Variants in POPDC1 observed in about 807,000 individuals in gnomAD.
POPDC1 encodes popeye domain-containing protein 1.
At chr6:105,098,854 C>G in the POPDC1 span, 1 of 152,286 alleles carries the variant, frequency 6.6e-6, no homozygotes, top group Admixed American at 6.5e-5. Flanking sequence ...GAGACTGCTG[C>G]AGCAGTACAG....
chr6:105,117,157 G>A, the POPDC1 span, among the ~76,000 whole-genome samples: 1 of 152,164 alleles, frequency 6.6e-6, no homozygotes, highest in African/African-American at 2.4e-5. Flanking sequence ...TACCGCTGCT[G>A]GAGCATGTAT....
At chr6:105,130,320 C>T in the POPDC1 span, among the ~76,000 whole-genome samples, 1 of 152,030 alleles carries the variant, frequency 6.6e-6, no homozygotes, top group Non-Finnish European at 1.5e-5. Context: ...TTAACCATCC[C>T]CCTACTGCCG....
chr6:105,106,036 G>A, the POPDC1 span, among the ~76,000 whole-genome samples: 3 of 151,990 alleles, frequency 2.0e-5, no homozygotes, highest in African/African-American at 7.2e-5. Context: ...GAGGCAGAGT[G>A]GTTAACTCCA....
the POPDC1 span, among the ~76,000 whole-genome samples, chr6:105,102,192 T>C: frequency 6.6e-6 from 1 of 152,152 alleles, no homozygotes; most frequent in Non-Finnish European, 1.5e-5. Context: ...AGAAGGTTGA[T>C]GGTGGAGGGA....
chr6:105,132,245 C>T, the POPDC1 span, among the ~76,000 whole-genome samples: 1 of 152,178 alleles, frequency 6.6e-6, no homozygotes, highest in Non-Finnish European at 1.5e-5. Context: ...GGATTACAGG[C>T]GTAAGCCACT....
chr6:105,124,972 A>C, the POPDC1 span, among the ~76,000 whole-genome samples: 1 of 152,146 alleles, frequency 6.6e-6, no homozygotes, highest in African/African-American at 2.4e-5. Context: ...GTTATTAATA[A>C]CAATGCCAGC....
the POPDC1 span, among the ~76,000 whole-genome samples, chr6:105,118,981 C>T: frequency 6.6e-6 from 1 of 151,850 alleles, no homozygotes; most frequent in African/African-American, 2.4e-5. Flanking sequence ...GCCAGGAGCT[C>T]GAGACCAGCC....
chr6:105,117,942 A>T, the POPDC1 span, among the ~76,000 whole-genome samples: 4 of 152,132 alleles, frequency 2.6e-5, no homozygotes, highest in African/African-American at 9.7e-5. Context: ...GCTACTTGGG[A>T]GGCTGAGGTG....
At chr6:105,126,429 C>CAAAA in the POPDC1 span, among the ~76,000 whole-genome samples, 2 of 129,156 alleles carry the variant, frequency 1.5e-5, no homozygotes, top group African/African-American at 5.5e-5. Context: ...AACACTGTCT[C>CAAAA]AAAAAAAAAA....
the POPDC1 span, chr6:105,115,556 T>C: frequency 8.5e-7 from 1 of 1,173,406 alleles, no homozygotes; most frequent in East Asian, 2.5e-5. Flanking sequence ...TGATTGTTTT[T>C]ATTGTTACCT....
At chr6:105,123,567 ATTGT>A in the POPDC1 span, among the ~76,000 whole-genome samples, 2 of 151,900 alleles carry the variant, frequency 1.3e-5, no homozygotes, top group African/African-American at 2.4e-5. Context: ...CGCCCAGCTA[ATTGT>A]TTGTATTTTT....
At chr6:105,123,501 C>T in the POPDC1 span, among the ~76,000 whole-genome samples, 2 of 152,092 alleles carry the variant, frequency 1.3e-5, no homozygotes, top group South Asian at 2.1e-4. Flanking sequence ...CCCAGGTTCA[C>T]GCCATTCTCC....
the POPDC1 span, among the ~76,000 whole-genome samples, chr6:105,111,084 C>T: frequency 8.4e-3 from 1,281 of 152,160 alleles, 19 homozygotes; most frequent in African/African-American, 0.03. Flanking sequence ...TTAAAAACAA[C>T]ATAATTATTA....
the POPDC1 span, among the ~76,000 whole-genome samples, chr6:105,106,407 C>T: frequency 3.3e-5 from 5 of 152,174 alleles, no homozygotes; most frequent in African/African-American, 1.2e-4. Context: ...ACCAGGCTGC[C>T]GTGCTGAGGG....
chr6:105,133,853 A>G, the POPDC1 span, among the ~76,000 whole-genome samples: 9 of 152,190 alleles, frequency 5.9e-5, no homozygotes, highest in African/African-American at 1.9e-4. Context: ...GTGCAAAACT[A>G]TTCCCTCATA....
At chr6:105,101,003 A>G in the POPDC1 span, 4 of 1,471,814 alleles carry the variant, frequency 2.7e-6, no homozygotes, top group Non-Finnish European at 3.6e-6. Context: ...AAAGCAGAAT[A>G]ACCTAAAAGC....
the POPDC1 span, among the ~76,000 whole-genome samples, chr6:105,127,247 A>G: frequency 0.012 from 1,853 of 152,312 alleles, 49 homozygotes; most frequent in African/African-American, 0.042. Flanking sequence ...GAGAAGAAAC[A>G]AAAGCACAGA....
At chr6:105,119,267 C>A in the POPDC1 span, among the ~76,000 whole-genome samples, 2 of 150,702 alleles carry the variant, frequency 1.3e-5, no homozygotes, top group Admixed American at 1.3e-4. Context: ...AGGTCAAAAT[C>A]TACCCAATAC....
the POPDC1 span, among the ~76,000 whole-genome samples, chr6:105,124,385 CAAAAAAAAAAAA>C: frequency 2.4e-5 from 2 of 81,778 alleles, no homozygotes; most frequent in Admixed American, 2.9e-4. Flanking sequence ...CCGTCTCAAA[CAAAAAAAAAAAA>C]AAAAAAAAAA....
Sources: gnomAD v4.1 joint callset for allele counts (sites outside exome capture counted in the v4.1 genomes callset) on GRCh38, gnomAD v4.1.1 for gene constraint, MANE v1.5 for transcripts, NCBI Gene and HGNC (gene_info 2026-07-23, HGNC 2026-07-21) for gene names.